The following SUFU variants were observed in gnomAD, a reference collection of about 807,000 sequenced individuals.
SUFU encodes SUFU negative regulator of hedgehog signaling, also known as suppressor of fused homolog.
SUFU carries 7 observed loss-of-function variants against 58.9 expected under a neutral mutation model. That is an observed-to-expected ratio of 0.12 (90% CI 0.07 to 0.22). The LOEUF is 0.22. Among genes scored for constraint, SUFU ranks in the 10% least tolerant of loss-of-function variants. SUFU has a pLI of 1.00. For synonymous variants in SUFU, 232 were observed against 254.8 expected, an observed-to-expected ratio of 0.91 and a Z score of 0.85; for missense variants, 451 against 641.3, an observed-to-expected ratio of 0.70 and a Z score of 3.20.
chr10:102,618,376 C>T (rs572210388), intron 10 of SUFU: 3 of 152,674 alleles, frequency 2.0e-5, no homozygotes, highest in African/African-American at 7.2e-5. Flanking sequence ...CATATGTAGT[C>T]AATACAGACA....
chr10:102,610,738 AATG>A (rs2063614678), intron 8 of SUFU, among the ~76,000 whole-genome samples: 2 of 152,206 alleles, frequency 1.3e-5, no homozygotes, highest in African/African-American at 4.8e-5. Context: ...GTCAGGAAGG[AATG>A]CCAATATGAT....
chr10:102,564,009 C>T (rs2063064652), intron 3 of SUFU, among the ~76,000 whole-genome samples: 1 of 152,130 alleles, frequency 6.6e-6, no homozygotes, highest in African/African-American at 2.4e-5. Context: ...AGAAGGGGAC[C>T]CTCTTATCTT....
rs2063834006 is a variant in SUFU at position 102,631,157 on chromosome 10, C to T, written c.*1002C>T. The T allele has an allele frequency of 4.3e-6, 1 of 233,472 alleles. No homozygotes were observed. Among genetic ancestry groups the T allele is most frequent in the Non-Finnish European group, 8.5e-6 (1 of 118,148 alleles). 14.5% of individuals were successfully genotyped at this position (233,472 alleles called of 1,614,324 possible). On this transcript the variant is annotated 3_prime_UTR_variant, in exon 12 of 12. Coordinates refer to ENST00000369902, the MANE Select transcript of SUFU (RefSeq NM_016169.4). ...TGTAACCAGTCCTGTCCCATTTCCT[C>T]AGTCCCTGGGCCTCCCAGCCTTCAG...
intron 3 of SUFU, among the ~76,000 whole-genome samples, chr10:102,579,566 C>CAT (rs2063251490): frequency 6.6e-6 from 1 of 152,196 alleles, no homozygotes; most frequent in Admixed American, 6.5e-5. Context: ...GGAGAAAATG[C>CAT]ATAGGGAAGC....
At chr10:102,506,567 CAG>C (rs1274117962) in intron 1 of SUFU, among the ~76,000 whole-genome samples, 1 of 152,172 alleles carries the variant, frequency 6.6e-6, no homozygotes, top group East Asian at 1.9e-4. Context: ...TTAGTAGAGG[CAG>C]AGTTTCACCA....
At chr10:102,530,690 G>A (rs956529347) in intron 2 of SUFU, among the ~76,000 whole-genome samples, 5 of 151,846 alleles carry the variant, frequency 3.3e-5, no homozygotes, top group African/African-American at 4.8e-5. Context: ...CTGGGCTAAA[G>A]CAATCCTACT....
At chr10:102,596,431 A>G (rs2063462120) in intron 6 of SUFU, among the ~76,000 whole-genome samples, 1 of 152,208 alleles carries the variant, frequency 6.6e-6, no homozygotes, top group Non-Finnish European at 1.5e-5. Context: ...GTTTGTACTC[A>G]GCAGTACCAA....
intron 2 of SUFU, among the ~76,000 whole-genome samples, chr10:102,534,888 G>T (rs1424971550): frequency 6.6e-6 from 1 of 152,136 alleles, no homozygotes; most frequent in Non-Finnish European, 1.5e-5. Context: ...GGCTGGGCTT[G>T]TCCCTATGCC....
chr10:102,511,917 G>T (rs1326193), intron 2 of SUFU, among the ~76,000 whole-genome samples: 46,786 of 152,014 alleles, frequency 0.31, 7,486 homozygotes, highest in Admixed American at 0.36. Context: ...TCACTATGTT[G>T]CCCAGGCTGG....
intron 10 of SUFU, chr10:102,618,785 A>G (rs533886876): frequency 7.7e-6 from 4 of 518,966 alleles, no homozygotes; most frequent in African/African-American, 3.8e-5. Context: ...CCCTACCCCC[A>G]GCCATGTCCC....
chr10:102,596,033 C>T (rs552515057), intron 6 of SUFU, among the ~76,000 whole-genome samples: 76 of 152,280 alleles, frequency 5.0e-4, no homozygotes, highest in African/African-American at 1.6e-3. Context: ...GCCCAGAGTA[C>T]ACAGAGCGCT....
intron 3 of SUFU, among the ~76,000 whole-genome samples, chr10:102,574,137 G>T (rs566110048): frequency 1.3e-5 from 2 of 152,294 alleles, no homozygotes; most frequent in South Asian, 2.1e-4. Context: ...GACAGGGCTT[G>T]AGTACCAAGG....
At chr10:102,610,164 G>A (rs1250278742) in intron 8 of SUFU, among the ~76,000 whole-genome samples, 2 of 151,934 alleles carry the variant, frequency 1.3e-5, no homozygotes, top group South Asian at 2.1e-4. Context: ...ATCACTTGAG[G>A]TCAGGATCAC....
intron 1 of SUFU, among the ~76,000 whole-genome samples, chr10:102,506,897 C>A (rs184716848): frequency 1.2e-4 from 18 of 152,208 alleles, no homozygotes; most frequent in African/African-American, 4.3e-4. Context: ...GACATTCTAA[C>A]TGAAAGCTGA....
chr10:102,511,227 G>A (rs2062397950), intron 2 of SUFU, among the ~76,000 whole-genome samples: 1 of 151,142 alleles, frequency 6.6e-6, no homozygotes, highest in African/African-American at 2.4e-5. Flanking sequence ...CAATTTAAAT[G>A]TAATCTTTCT....
At chr10:102,585,475 AGTG>A (rs548631017) in intron 3 of SUFU, among the ~76,000 whole-genome samples, 40 of 152,262 alleles carry the variant, frequency 2.6e-4, no homozygotes, top group Admixed American at 9.2e-4. Flanking sequence ...GTGGATATGA[AGTG>A]GTGGTGTCTC....
intron 2 of SUFU, among the ~76,000 whole-genome samples, chr10:102,538,284 A>G (rs968206026): frequency 6.6e-6 from 1 of 152,194 alleles, no homozygotes; most frequent in African/African-American, 2.4e-5. Context: ...CTACTTGTAG[A>G]ACAGTTAGAT....
chr10:102,503,082 C>G (rs919822954), upstream of SUFU, among the ~76,000 whole-genome samples: 6 of 152,190 alleles, frequency 3.9e-5, no homozygotes, highest in South Asian at 8.3e-4. Flanking sequence ...GCCACTCCCC[C>G]CGACGTTCCC....
chr10:102,615,754 A>G (rs757244883), intron 9 of SUFU, among the ~76,000 whole-genome samples: 1 of 152,142 alleles, frequency 6.6e-6, no homozygotes, highest in Non-Finnish European at 1.5e-5. Context: ...GAAGTCTGCC[A>G]TGCTTCCTAG....
Sources: allele counts gnomAD v4.1 joint callset (sites outside exome capture counted in the v4.1 genomes callset), GRCh38; gene constraint gnomAD v4.1.1; transcripts MANE v1.5; gene names NCBI Gene and HGNC (gene_info 2026-07-23, HGNC 2026-07-21).